The following PLCXD3 variants were observed in gnomAD, a reference collection of about 807,000 sequenced individuals.
PLCXD3 encodes PI-PLC X domain-containing protein 3.
PLCXD3 carries 19 observed loss-of-function variants against 25.5 expected under a neutral mutation model. That is an observed-to-expected ratio of 0.75 (90% CI 0.52 to 1.09). The LOEUF is 1.09. Ranked by LOEUF, PLCXD3 falls within the 50% of genes least tolerant of loss-of-function variation. The pLI, the probability that PLCXD3 is intolerant of heterozygous loss-of-function variation, is 0.00. For missense variants in PLCXD3, 411 were observed against 388.1 expected (o/e 1.06, Z -0.50); for synonymous variants, 174 against 137.6 (o/e 1.26, Z -1.85).
At chr5:41,459,786 T>G (rs1210161518) in intron 1 of PLCXD3, among the ~76,000 whole-genome samples, 1 of 151,910 alleles carries the variant, frequency 6.6e-6, no homozygotes, top group African/African-American at 2.4e-5. Context: ...CTTGTCAGAT[T>G]TATATCACTT....
chr5:41,489,843 G>A (rs376278464), intron 1 of PLCXD3, among the ~76,000 whole-genome samples: 15 of 151,306 alleles, frequency 9.9e-5, no homozygotes, highest in East Asian at 1.9e-4. Context: ...GGCTGAGACA[G>A]TGGGGTTTTC....
chr5:41,429,044 G>A (rs751949543), intron 1 of PLCXD3, among the ~76,000 whole-genome samples: 11 of 152,018 alleles, frequency 7.2e-5, no homozygotes, highest in African/African-American at 1.4e-4. Flanking sequence ...GGAAGTTTTC[G>A]CAATATTTAT....
chr5:41,403,408 T>TTTTTTTTTTG (rs1554047966), intron 1 of PLCXD3, among the ~76,000 whole-genome samples: 1 of 26,230 alleles, frequency 3.8e-5, no homozygotes, highest in Non-Finnish European at 9.4e-5. Flanking sequence ...GTTGTTTTTT[T>TTTTTTTTTTG]TTTTTTTTAT....
At chr5:41,490,617 T>C (rs997464325) in intron 1 of PLCXD3, among the ~76,000 whole-genome samples, 130 of 152,300 alleles carry the variant, frequency 8.5e-4, no homozygotes, top group Non-Finnish European at 1.1e-3. Context: ...TCAGATCCTG[T>C]TATTGGTCTA....
At chr5:41,486,078 A>G (rs1293135971) in intron 1 of PLCXD3, among the ~76,000 whole-genome samples, 1 of 152,132 alleles carries the variant, frequency 6.6e-6, no homozygotes, top group Non-Finnish European at 1.5e-5. Context: ...AACCCTTCTC[A>G]TTCTAGGATA....
At chr5:41,491,297 G>A (rs548538072) in intron 1 of PLCXD3, among the ~76,000 whole-genome samples, 2 of 152,364 alleles carry the variant, frequency 1.3e-5, no homozygotes, top group African/African-American at 4.8e-5. Flanking sequence ...TGGTCTGAGA[G>A]ATAGTTTGTT....
intron 1 of PLCXD3, among the ~76,000 whole-genome samples, chr5:41,504,688 T>C (rs918984706): frequency 3.7e-4 from 56 of 152,264 alleles, no homozygotes; most frequent in Admixed American, 1.2e-3. Flanking sequence ...GAAGCACAGT[T>C]TCTCTATATG....
chr5:41,499,197 G>T (rs1249333217), intron 1 of PLCXD3, among the ~76,000 whole-genome samples: 1 of 151,350 alleles, frequency 6.6e-6, no homozygotes, highest in Non-Finnish European at 1.5e-5. Flanking sequence ...TATCTAAATA[G>T]AAAAGGAAGT....
chr5:41,455,978 A>G (rs1277959820), intron 1 of PLCXD3, among the ~76,000 whole-genome samples: 2 of 152,018 alleles, frequency 1.3e-5, no homozygotes, highest in Non-Finnish European at 2.9e-5. Flanking sequence ...CATTTAAAAT[A>G]CAAGGTGTTA....
At chr5:41,458,768 G>A (rs982860587) in intron 1 of PLCXD3, among the ~76,000 whole-genome samples, 6 of 151,778 alleles carry the variant, frequency 4.0e-5, no homozygotes, top group South Asian at 2.1e-4. Flanking sequence ...AACACTAAAA[G>A]GCATCTGTTT....
intron 2 of PLCXD3, among the ~76,000 whole-genome samples, chr5:41,350,392 T>C (rs1415491748): frequency 6.6e-6 from 1 of 152,194 alleles, no homozygotes; most frequent in Non-Finnish European, 1.5e-5. Context: ...TTCTCCATTC[T>C]TTTTCCTTTT....
chr5:41,317,717 T>C (rs1822820), intron 2 of PLCXD3, among the ~76,000 whole-genome samples: 44,838 of 151,518 alleles, frequency 0.3, 8,203 homozygotes, highest in African/African-American at 0.51. Flanking sequence ...CTGAAAAATG[T>C]AATTGGTATA....
chr5:41,440,519 C>T (rs953161583), intron 1 of PLCXD3, among the ~76,000 whole-genome samples: 3 of 151,848 alleles, frequency 2.0e-5, no homozygotes, highest in Admixed American at 6.6e-5. Context: ...AGGTGTGAGC[C>T]GCCAGGCCCA....
chr5:41,360,561 G>A (rs1358941915), intron 2 of PLCXD3, among the ~76,000 whole-genome samples: 1 of 152,136 alleles, frequency 6.6e-6, no homozygotes, highest in Non-Finnish European at 1.5e-5. Flanking sequence ...CCCTTGATGT[G>A]GTGTTCTTCC....
intron 1 of PLCXD3, among the ~76,000 whole-genome samples, chr5:41,473,567 C>T (rs540426132): frequency 1.2e-4 from 19 of 152,132 alleles, no homozygotes; most frequent in African/African-American, 3.6e-4. Context: ...CTCAGCCTCC[C>T]GAGTACCTGG....
At chr5:41,501,870 C>T (rs976901066) in intron 1 of PLCXD3, among the ~76,000 whole-genome samples, 1 of 151,830 alleles carries the variant, frequency 6.6e-6, no homozygotes, top group East Asian at 1.9e-4. Flanking sequence ...TTGATAAGAA[C>T]AATTTTAGGG....
chr5:41,465,222 C>T (rs570005512), intron 1 of PLCXD3, among the ~76,000 whole-genome samples: 1 of 152,024 alleles, frequency 6.6e-6, no homozygotes, highest in East Asian at 1.9e-4. Context: ...CATGTAAAGA[C>T]ATCTGTGTAA....
chr5:41,482,418 G>C (rs1339468511), intron 1 of PLCXD3, among the ~76,000 whole-genome samples: 1 of 152,164 alleles, frequency 6.6e-6, no homozygotes, highest in Non-Finnish European at 1.5e-5. Context: ...TCTAGGAAGA[G>C]AGTTTCAATA....
chr5:41,352,964 T>C (rs1039383101), intron 2 of PLCXD3, among the ~76,000 whole-genome samples: 3 of 152,318 alleles, frequency 2.0e-5, no homozygotes, highest in African/African-American at 7.2e-5. Context: ...GACTTTCTCA[T>C]ATGATTTAAA....
Sources: gnomAD v4.1 joint callset for allele counts (sites outside exome capture counted in the v4.1 genomes callset) on GRCh38, gnomAD v4.1.1 for gene constraint, MANE v1.5 for transcripts, NCBI Gene and HGNC (gene_info 2026-07-23, HGNC 2026-07-21) for gene names.